Variants in GRM8 observed in about 807,000 individuals in gnomAD.
GRM8 encodes the protein metabotropic glutamate receptor 8.
GRM8 carries 47 observed loss-of-function variants against 87.2 expected under a neutral mutation model. The observed-to-expected ratio is 0.54, with a 90% CI of 0.43 to 0.69. The LOEUF is 0.69. Among genes scored for constraint, GRM8 ranks in the 30% least tolerant of loss-of-function variants. The probability of loss-of-function intolerance (pLI) is 0.00; values close to 1 mark genes in which losing one functional copy is unlikely to be tolerated. For synonymous variants in GRM8, 396 were observed against 404.5 expected, an observed-to-expected ratio of 0.98 and a Z score of 0.25; for missense variants, 1,019 against 1,139.2, an observed-to-expected ratio of 0.89 and a Z score of 1.52.
At chr7:126,748,825 CAT>C (rs1239735293) in intron 7 of GRM8, among the ~76,000 whole-genome samples, 2 of 151,994 alleles carry the variant, frequency 1.3e-5, no homozygotes, top group Non-Finnish European at 1.5e-5. Flanking sequence ...CAAATCCAAA[CAT>C]AGACTTACAC....
At chr7:126,813,700 A>T (rs1014748465) in intron 6 of GRM8, among the ~76,000 whole-genome samples, 12 of 152,080 alleles carry the variant, frequency 7.9e-5, no homozygotes, top group Non-Finnish European at 1.5e-4. Flanking sequence ...GTTTTGTCCA[A>T]TTTCCATTCT....
chr7:126,600,911 C>T (rs199522055), intron 8 of GRM8, among the ~76,000 whole-genome samples: 1 of 149,402 alleles, frequency 6.7e-6, no homozygotes. Context: ...TAATCAAGTA[C>T]AAAGTTAAGA....
chr7:127,004,538 A>G (rs979228775), intron 3 of GRM8, among the ~76,000 whole-genome samples: 1 of 151,750 alleles, frequency 6.6e-6, no homozygotes, highest in Non-Finnish European at 1.5e-5. Context: ...ACCGATATTG[A>G]GGTAAAAAAT....
chr7:126,533,950 G>A (rs911961993), intron 8 of GRM8, 63 bp from the exon 9 acceptor site: 75 of 1,216,616 alleles, frequency 6.2e-5, no homozygotes, highest in Non-Finnish European at 8.2e-5. Flanking sequence ...CCTAATCCTA[G>A]CCACGGGTTT....
At chr7:126,767,465 A>T (rs1400383906) in intron 7 of GRM8, among the ~76,000 whole-genome samples, 1 of 152,126 alleles carries the variant, frequency 6.6e-6, no homozygotes, top group African/African-American at 2.4e-5. Flanking sequence ...ATAATTTCCA[A>T]GAAAATGTGT....
rs76035469 is a variant in GRM8 at position 126,561,114 on chromosome 7, G to C, written c.1495-27227C>G. Among the ~76,000 whole-genome samples the C allele has an allele frequency of 2.4e-3, 368 of 152,176 alleles. 7 individuals are homozygous for C. In the East Asian group the frequency reaches 0.042, roughly 17 times the overall value. ...CTGCTCAAATCTTTATTTCACTCAG[G>C]TTAACCATAATTGCCATTATTGGCA... On this transcript the variant is annotated intron_variant, in intron 8 of 10. Transcript: ENST00000339582.
chr7:127,135,210 A>T (rs1433314278), intron 2 of GRM8, among the ~76,000 whole-genome samples: 1 of 152,116 alleles, frequency 6.6e-6, no homozygotes, highest in Non-Finnish European at 1.5e-5. Context: ...TCAGGAAAAA[A>T]AATATTTAAC....
At chr7:126,512,037 C>G (rs1215749714) in intron 9 of GRM8, 4 of 151,912 alleles carry the variant, frequency 2.6e-5, no homozygotes, top group African/African-American at 9.7e-5. Flanking sequence ...TCTATGGAAA[C>G]AAAAAGTTAA....
chr7:126,773,391 A>G (rs1819063256), intron 6 of GRM8, among the ~76,000 whole-genome samples: 1 of 152,164 alleles, frequency 6.6e-6, no homozygotes, highest in South Asian at 2.1e-4. Flanking sequence ...AATGACCACA[A>G]GAGCATTAAG....
chr7:126,592,466 A>C (rs916539562), intron 8 of GRM8, among the ~76,000 whole-genome samples: 1 of 152,048 alleles, frequency 6.6e-6, no homozygotes, highest in African/African-American at 2.4e-5. Context: ...GGATACAAGG[A>C]TGGTTCAACA....
chr7:127,160,052 A>G (rs1290067501), intron 2 of GRM8, among the ~76,000 whole-genome samples: 1 of 152,192 alleles, frequency 6.6e-6, no homozygotes, highest in Non-Finnish European at 1.5e-5. Context: ...GCATTGCCTA[A>G]GCATAAGAAA....
intron 2 of GRM8, among the ~76,000 whole-genome samples, chr7:127,166,273 G>A (rs1419947054): frequency 6.6e-6 from 1 of 151,992 alleles, no homozygotes; most frequent in Admixed American, 6.6e-5. Context: ...TCTTCTCTCT[G>A]GTGATTTTTT....
chr7:127,111,152 A>T (rs1826308167), intron 2 of GRM8: 1 of 152,318 alleles, frequency 6.6e-6, no homozygotes, highest in South Asian at 2.1e-4. Flanking sequence ...CGCAGTTCTT[A>T]GCAGATAGTC....
chr7:126,623,902 C>T (rs954320064), intron 7 of GRM8, among the ~76,000 whole-genome samples: 1 of 152,182 alleles, frequency 6.6e-6, no homozygotes, highest in Admixed American at 6.5e-5. Flanking sequence ...GTGATAGCAC[C>T]ACTGCACTCC....
intron 3 of GRM8, among the ~76,000 whole-genome samples, chr7:126,928,671 CAAAAAAA>C (rs57576564): frequency 1.0e-5 from 1 of 98,554 alleles, no homozygotes; most frequent in Non-Finnish European, 2.2e-5. Flanking sequence ...GACCCTGCCT[CAAAAAAA>C]AAAAAAAAAA....
At chr7:127,101,330 C>T (rs1825222105) in intron 3 of GRM8, among the ~76,000 whole-genome samples, 1 of 152,112 alleles carries the variant, frequency 6.6e-6, no homozygotes, top group African/African-American at 2.4e-5. Flanking sequence ...ATAGATCCCC[C>T]TCTCCTCAGC....
intron 8 of GRM8, among the ~76,000 whole-genome samples, chr7:126,573,820 C>T (rs1303669941): frequency 1.3e-5 from 2 of 152,050 alleles, no homozygotes; most frequent in African/African-American, 4.8e-5. Flanking sequence ...TCCTGAGAGT[C>T]AGGTGATCCA....
At chr7:127,178,520 CA>C (rs1794246196) in intron 2 of GRM8, among the ~76,000 whole-genome samples, 1 of 152,084 alleles carries the variant, frequency 6.6e-6, no homozygotes, top group Admixed American at 6.5e-5. Flanking sequence ...AAATTCATCA[CA>C]AAAAGATCTT....
chr7:127,235,729 C>A (rs1416016767), intron 2 of GRM8, among the ~76,000 whole-genome samples: 1 of 152,210 alleles, frequency 6.6e-6, no homozygotes, highest in African/African-American at 2.4e-5. Context: ...TCTACACCAA[C>A]CAATTTAACT....
Sources: allele counts gnomAD v4.1 joint callset (sites outside exome capture counted in the v4.1 genomes callset), GRCh38; gene constraint gnomAD v4.1.1; transcripts MANE v1.5; gene names NCBI Gene and HGNC (gene_info 2026-07-23, HGNC 2026-07-21).